Variants in KAZN observed in about 807,000 individuals in gnomAD.
The protein encoded by KAZN is kazrin.
A neutral mutation model predicts 87.4 loss-of-function variants in KAZN; 40 were observed. That is an observed-to-expected ratio of 0.46 (90% CI 0.36 to 0.60). The LOEUF (loss-of-function observed/expected upper bound fraction) is 0.60, where lower values mean the gene tolerates loss of function less well. KAZN is among the 20% of genes least tolerant of loss of function. The pLI is 0.00. For synonymous variants in KAZN, 466 were observed against 458.3 expected (o/e 1.02, Z -0.22); for missense variants, 898 against 1,073.9 (o/e 0.84, Z 2.29).
intron 2 of KAZN, among the ~76,000 whole-genome samples, chr1:14,332,459 G>A (rs1437914648): frequency 6.6e-6 from 1 of 152,178 alleles, no homozygotes; most frequent in Non-Finnish European, 1.5e-5. Flanking sequence ...CAGAGGCTCT[G>A]ATGTTTGACA....
intron 2 of KAZN, among the ~76,000 whole-genome samples, chr1:14,483,525 A>G (rs1381725105): frequency 6.6e-6 from 1 of 152,232 alleles, no homozygotes; most frequent in Non-Finnish European, 1.5e-5. Flanking sequence ...ACTCTGTAAA[A>G]TATTTTAAAG....
intron 1 of KAZN, among the ~76,000 whole-genome samples, chr1:14,062,693 T>TGA (rs1264443550): frequency 2.0e-5 from 3 of 152,068 alleles, no homozygotes; most frequent in African/African-American, 7.2e-5. Flanking sequence ...GAGTCTAGTG[T>TGA]GAAGGAGAAT....
chr1:14,135,581 T>C (rs1290316777), intron 1 of KAZN, among the ~76,000 whole-genome samples: 1 of 152,234 alleles, frequency 6.6e-6, no homozygotes, highest in Non-Finnish European at 1.5e-5. Context: ...GCAAAGGTTT[T>C]TTCTTCAGAA....
intron 2 of KAZN, among the ~76,000 whole-genome samples, chr1:14,377,270 G>A (rs754977741): frequency 6.6e-6 from 1 of 152,072 alleles, no homozygotes; most frequent in East Asian, 1.9e-4. Context: ...TCCATCAATC[G>A]ACCATTCCTT....
intron 1 of KAZN, among the ~76,000 whole-genome samples, chr1:14,857,315 A>T (rs148191196): frequency 1.3e-5 from 2 of 152,146 alleles, no homozygotes; most frequent in African/African-American, 4.8e-5. Context: ...ACTTGAGCTC[A>T]GGAGTTCGAG....
intron 1 of KAZN, among the ~76,000 whole-genome samples, chr1:14,656,713 C>T (rs1638814805): frequency 6.6e-6 from 1 of 152,154 alleles, no homozygotes; most frequent in South Asian, 2.1e-4. Flanking sequence ...GACGGCGCTA[C>T]GCGCTTTTAA....
chr1:14,748,739 G>A (rs1326560196), intron 1 of KAZN, among the ~76,000 whole-genome samples: 5 of 152,132 alleles, frequency 3.3e-5, no homozygotes, highest in African/African-American at 9.7e-5. Context: ...ACTAAATGAG[G>A]CAATGTATGT....
At chr1:14,518,337 C>T (rs1396266134) in intron 2 of KAZN, among the ~76,000 whole-genome samples, 1 of 151,970 alleles carries the variant, frequency 6.6e-6, no homozygotes, top group South Asian at 2.1e-4. Flanking sequence ...CCACCACGCC[C>T]AGCTAATTTT....
At chr1:14,318,921 TA>T (rs1393160669) in intron 2 of KAZN, among the ~76,000 whole-genome samples, 1 of 151,936 alleles carries the variant, frequency 6.6e-6, no homozygotes, top group African/African-American at 2.4e-5. Flanking sequence ...TTCCTTTAAA[TA>T]TTTGGAAAGA....
chr1:14,484,498 C>T (rs542646289), intron 2 of KAZN, among the ~76,000 whole-genome samples: 2 of 152,336 alleles, frequency 1.3e-5, no homozygotes, highest in East Asian at 3.9e-4. Context: ...ATATTCTGTG[C>T]TCATACTTCT....
At chr1:14,233,125 GC>G (rs1429259255) in intron 2 of KAZN, among the ~76,000 whole-genome samples, 2 of 151,938 alleles carry the variant, frequency 1.3e-5, no homozygotes, top group Non-Finnish European at 2.9e-5. Flanking sequence ...GCACTTAGTT[GC>G]TAAATTCTTT....
chr1:14,314,377 A>T (rs1655508069), intron 2 of KAZN, among the ~76,000 whole-genome samples: 3 of 152,134 alleles, frequency 2.0e-5, no homozygotes, highest in Non-Finnish European at 4.4e-5. Flanking sequence ...ACCCAGACTC[A>T]TCACTCTGAT....
chr1:15,063,427 G>A, intron 6 of KAZN, 145 bp from the exon 7 acceptor site: 2 of 697,644 alleles, frequency 2.9e-6, no homozygotes, highest in Non-Finnish European at 2.6e-6. Flanking sequence ...TCAGGAGATG[G>A]GGGGTGGGCT....
intron 2 of KAZN, among the ~76,000 whole-genome samples, chr1:14,351,197 G>C (rs748508509): frequency 6.6e-6 from 1 of 152,132 alleles, no homozygotes; most frequent in East Asian, 1.9e-4. Flanking sequence ...TCATCATTTC[G>C]CCAGCAGCCA....
intron 1 of KAZN, among the ~76,000 whole-genome samples, chr1:14,728,261 G>C (rs954501376): frequency 1.4e-5 from 2 of 141,418 alleles, no homozygotes; most frequent in African/African-American, 5.3e-5. Flanking sequence ...ACTCTAGCCT[G>C]GGCAGCAAGA....
intron 1 of KAZN, among the ~76,000 whole-genome samples, chr1:14,680,605 CT>C (rs1006943869): frequency 1.4e-4 from 21 of 152,138 alleles, no homozygotes; most frequent in African/African-American, 5.1e-4. Context: ...AATGCTGTCC[CT>C]CCCCTTGCCT....
chr1:14,576,068 T>C (rs1407204257), intron 2 of KAZN, among the ~76,000 whole-genome samples: 1 of 152,200 alleles, frequency 6.6e-6, no homozygotes, highest in Non-Finnish European at 1.5e-5. Context: ...AAAGAGCCCA[T>C]AACTTGGAGT....
At chr1:13,988,219 T>C (rs1639111144) in intron 1 of KAZN, among the ~76,000 whole-genome samples, 1 of 152,176 alleles carries the variant, frequency 6.6e-6, no homozygotes, top group Non-Finnish European at 1.5e-5. Flanking sequence ...TAAATTATTA[T>C]TTCTTGAATA....
chr1:13,940,003 G>T (rs894877699), intron 1 of KAZN, among the ~76,000 whole-genome samples: 19 of 152,124 alleles, frequency 1.2e-4, no homozygotes, highest in African/African-American at 3.4e-4. Context: ...CTCCCACCAG[G>T]TCCCACCTCC....
Sources: gnomAD v4.1 joint callset for allele counts (sites outside exome capture counted in the v4.1 genomes callset) on GRCh38, gnomAD v4.1.1 for gene constraint, MANE v1.5 for transcripts, NCBI Gene and HGNC (gene_info 2026-07-23, HGNC 2026-07-21) for gene names.